PDE4D: variants seen among roughly 807,000 people sequenced by gnomAD.
PDE4D encodes the protein phosphodiesterase 4D, also known as 3',5'-cyclic-AMP phosphodiesterase 4D.
PDE4D carries 24 observed loss-of-function variants against 87.4 expected under a neutral mutation model. The ratio of observed to expected loss-of-function variants is 0.27; its 90% CI spans 0.20 to 0.39. The LOEUF (loss-of-function observed/expected upper bound fraction) is 0.39, where lower values mean the gene tolerates loss of function less well. Ranked by LOEUF, PDE4D falls within the 10% of genes least tolerant of loss-of-function variation. The pLI, the probability that PDE4D is intolerant of heterozygous loss-of-function variation, is 1.00. For synonymous variants in PDE4D, 384 were observed against 383.2 expected (o/e 1.00, Z -0.02); for missense variants, 714 against 1,041.0 (o/e 0.69, Z 4.32).
chr5:59,800,464 T>C (rs1180889193), intron 1 of PDE4D, among the ~76,000 whole-genome samples: 2 of 152,204 alleles, frequency 1.3e-5, no homozygotes, highest in Non-Finnish European at 2.9e-5. Flanking sequence ...TAGATGGGCT[T>C]GCAGGGAGTC....
chr5:59,892,318 G>A (rs1408133354), intron 1 of PDE4D, among the ~76,000 whole-genome samples: 1 of 152,108 alleles, frequency 6.6e-6, no homozygotes, highest in African/African-American at 2.4e-5. Flanking sequence ...CCTGTCTTCC[G>A]GAGCACTTAC....
At chr5:59,529,858 T>C (rs1386765960) in intron 1 of PDE4D, among the ~76,000 whole-genome samples, 4 of 152,200 alleles carry the variant, frequency 2.6e-5, no homozygotes, top group Non-Finnish European at 5.9e-5. Context: ...GCTAGTGCAC[T>C]GTATTCGGAA....
Position 59,477,353 on chromosome 5 carries a change from TAAAAAAA to T in PDE4D, c.456-261392_456-261386del, listed in dbSNP as rs35047246. 2.3e-3 allele frequency among the ~76,000 whole-genome samples: 200 copies of T among 88,312 alleles called. 1 individual carries two copies. The Middle Eastern group carries it at 0.026, about 11-fold the overall frequency. 57.9% of individuals were successfully genotyped at this position (88,312 alleles called of 152,430 possible). A position where few individuals can be genotyped will look rare whatever the true frequency, so the allele number is the denominator to read the frequency against. ...ATGTACCCTAAAACTTAGAGTATAA[TAAAAAAA>T]AAAAAAAAAAAAAATTAAAGAATCT... On this transcript the variant is annotated intron_variant, in intron 1 of 14. Transcript: ENST00000340635.
At position 59,249,483 on chromosome 5, in the gene PDE4D, G is replaced by A. The variant is rs368739411; in HGVS notation, c.456-33515C>T. The stretch of plus-strand genomic sequence containing the variant: ...AGGAAATATTCAGAGATAAGCCAAT[G>A]TTTCAGTTCAAAGATGTTCCTTGCT... On this transcript the variant is annotated intron_variant, in intron 1 of 14. Coordinates refer to ENST00000340635, the MANE Select transcript of PDE4D (RefSeq NM_001104631.2). Among the ~76,000 whole-genome samples the A allele has an allele frequency of 5.9e-5, 9 of 152,220 alleles. No individual in the cohort carries two copies. In the East Asian group the frequency reaches 1.5e-3, roughly 26 times the overall value.
intron 1 of PDE4D, among the ~76,000 whole-genome samples, chr5:60,208,449 G>A (rs1396028031): frequency 6.6e-6 from 1 of 152,168 alleles, no homozygotes; most frequent in African/African-American, 2.4e-5. Context: ...GTTGAACTGT[G>A]TAGTTACGGT....
intron 1 of PDE4D, among the ~76,000 whole-genome samples, chr5:60,441,125 T>C (rs577655174): frequency 1.5e-4 from 23 of 152,266 alleles, no homozygotes; most frequent in African/African-American, 5.5e-4. Context: ...AGAGCCTGTA[T>C]AGCCAAGACA....
At chr5:59,419,417 A>C (rs1215653775) in intron 1 of PDE4D, among the ~76,000 whole-genome samples, 1 of 152,228 alleles carries the variant, frequency 6.6e-6, no homozygotes, top group Non-Finnish European at 1.5e-5. Flanking sequence ...TGAGTGAATT[A>C]AATGAATGAA....
intron 1 of PDE4D, among the ~76,000 whole-genome samples, chr5:60,221,036 G>T (rs1744436661): frequency 6.6e-6 from 1 of 151,914 alleles, no homozygotes. Flanking sequence ...CAACCTAAAG[G>T]TCTATCAGTA....
chr5:58,974,540 GTTTTGTTCAAC>G lies in PDE4D; in HGVS notation c.*113_*123del. ...GCGCTGGACTGAGTAGTCAAGGTCAGTTTTGTTCAACAAACGTCCTGGCAGATGACAGTGAG... is the reference window on the plus strand; with the variant it reads ...GCGCTGGACTGAGTAGTCAAGGTCAGAAACGTCCTGGCAGATGACAGTGAG... On this transcript the variant is annotated 3_prime_UTR_variant, in exon 15 of 15. Coordinates refer to ENST00000340635, the MANE Select transcript of PDE4D (RefSeq NM_001104631.2). 1.1e-6 allele frequency: 1 copy of G among 917,616 alleles called. No homozygotes were observed. The highest frequency in any genetic ancestry group is 1.6e-6 in the Non-Finnish European group (1 of 609,856). The allele number at this position is 917,616 out of a possible 1,614,324, so 56.8% of individuals were successfully genotyped here.
intron 1 of PDE4D, among the ~76,000 whole-genome samples, chr5:59,337,325 C>CT (rs1375920191): frequency 7.4e-6 from 1 of 135,752 alleles, no homozygotes; most frequent in Non-Finnish European, 1.6e-5. Context: ...TCATAAGTTC[C>CT]CCCCCCCCCA....
intron 2 of PDE4D, among the ~76,000 whole-genome samples, chr5:60,068,082 A>C (rs1164761834): frequency 6.6e-6 from 1 of 152,148 alleles, no homozygotes; most frequent in Non-Finnish European, 1.5e-5. Flanking sequence ...TTGAATAAAC[A>C]CCCCAAAGTG....
chr5:59,992,160 G>A (rs891924372), intron 2 of PDE4D, among the ~76,000 whole-genome samples: 1 of 152,166 alleles, frequency 6.6e-6, no homozygotes, highest in Non-Finnish European at 1.5e-5. Flanking sequence ...CTACACAAGT[G>A]GTTTTCCAGG....
intron 1 of PDE4D, among the ~76,000 whole-genome samples, chr5:60,329,961 T>C (rs1024438499): frequency 6.6e-6 from 1 of 152,236 alleles, no homozygotes; most frequent in African/African-American, 2.4e-5. Flanking sequence ...CAGTTAAGCC[T>C]GTGTCAGTGA....
intron 2 of PDE4D, among the ~76,000 whole-genome samples, chr5:60,035,969 A>C (rs75033288): frequency 8.9e-4 from 135 of 152,336 alleles, no homozygotes; most frequent in African/African-American, 3.0e-3. Context: ...AAATAAGTTA[A>C]TTATGCTCTT....
chr5:59,288,137 C>A (rs112148806), intron 1 of PDE4D, among the ~76,000 whole-genome samples: 10 of 152,188 alleles, frequency 6.6e-5, no homozygotes, highest in Non-Finnish European at 1.5e-4. Context: ...CATCAGTGAC[C>A]AGTCCTGGAG....
chr5:59,054,587 C>A (rs1448328192), intron 5 of PDE4D, among the ~76,000 whole-genome samples: 1 of 150,582 alleles, frequency 6.6e-6, no homozygotes, highest in African/African-American at 2.4e-5. Context: ...TAAATTAAAC[C>A]AATAAAAAGA....
At chr5:59,616,033 T>C (rs1413383620) in intron 1 of PDE4D, among the ~76,000 whole-genome samples, 1 of 152,052 alleles carries the variant, frequency 6.6e-6, no homozygotes, top group Non-Finnish European at 1.5e-5. Context: ...GTTAGTTACA[T>C]ATGTATACAT....
intron 5 of PDE4D, among the ~76,000 whole-genome samples, chr5:59,153,969 T>C (rs1018022655): frequency 6.6e-6 from 1 of 151,790 alleles, no homozygotes; most frequent in African/African-American, 2.4e-5. Flanking sequence ...GTGAGAAGAG[T>C]ACAAGTAAAT....
intron 5 of PDE4D, among the ~76,000 whole-genome samples, chr5:59,143,112 C>G (rs926706998): frequency 6.6e-6 from 1 of 151,156 alleles, no homozygotes; most frequent in Non-Finnish European, 1.5e-5. Context: ...TTCTTTCCTT[C>G]CTTCCTTCCT....
Sources: allele counts gnomAD v4.1 joint callset (sites outside exome capture counted in the v4.1 genomes callset), GRCh38; gene constraint gnomAD v4.1.1; transcripts MANE v1.5; gene names NCBI Gene and HGNC (gene_info 2026-07-23, HGNC 2026-07-21).